The following ALG14 variants were observed in gnomAD, a reference collection of about 807,000 sequenced individuals.
ALG14 encodes ALG14 UDP-N-acetylglucosaminyltransferase subunit.
In ALG14, 17 loss-of-function variants were observed where a neutral mutation model predicts 22.8. That is an observed-to-expected ratio of 0.75 (90% CI 0.51 to 1.12). The LOEUF (loss-of-function observed/expected upper bound fraction) is 1.12. ALG14 is among the 50% of genes most tolerant of loss of function. ALG14 has a pLI of 0.00. For missense variants in ALG14, 288 were observed against 271.8 expected (o/e 1.06, Z -0.42); for synonymous variants, 89 against 103.7 (o/e 0.86, Z 0.86).
chr1:95,015,623 C>T (rs1197025150), intron 3 of ALG14, among the ~76,000 whole-genome samples: 2 of 152,110 alleles, frequency 1.3e-5, no homozygotes, highest in African/African-American at 4.8e-5. Context: ...TTGAGAGGGG[C>T]GGGTTTGGAC....
intron 2 of ALG14, among the ~76,000 whole-genome samples, chr1:95,055,037 G>A (rs572706078): frequency 6.6e-6 from 1 of 152,150 alleles, no homozygotes; most frequent in Admixed American, 6.5e-5. Flanking sequence ...CAAATAAAAT[G>A]GGAACAACCA....
intron 3 of ALG14, among the ~76,000 whole-genome samples, chr1:95,011,346 A>G (rs1673355191): frequency 6.6e-6 from 1 of 151,882 alleles, no homozygotes; most frequent in African/African-American, 2.4e-5. Context: ...CAGAGAGTGG[A>G]CTCTCACCAG....
chr1:94,991,532 A>G (rs1005996962), intron 3 of ALG14, among the ~76,000 whole-genome samples: 2 of 152,220 alleles, frequency 1.3e-5, no homozygotes, highest in African/African-American at 4.8e-5. Flanking sequence ...AAGACAGAAA[A>G]TGGGACACCT....
chr1:95,057,408 TAAC>T (rs1403018428), intron 2 of ALG14, among the ~76,000 whole-genome samples: 1 of 151,754 alleles, frequency 6.6e-6, no homozygotes, highest in Non-Finnish European at 1.5e-5. Flanking sequence ...TAATACAGTA[TAAC>T]AACTATTTAC....
At chr1:95,043,284 G>GC (rs952102194) in intron 2 of ALG14, among the ~76,000 whole-genome samples, 8 of 152,050 alleles carry the variant, frequency 5.3e-5, no homozygotes, top group African/African-American at 1.9e-4. Flanking sequence ...GGGAGGGGAG[G>GC]CCCCCCATAC....
At chr1:94,986,371 T>G (rs1311821486) in intron 3 of ALG14, among the ~76,000 whole-genome samples, 1 of 152,176 alleles carries the variant, frequency 6.6e-6, no homozygotes, top group Non-Finnish European at 1.5e-5. Flanking sequence ...ATAGAAGGAG[T>G]GGGTCTTTGC....
chr1:94,996,208 G>T (rs2100727906), intron 3 of ALG14, among the ~76,000 whole-genome samples: 1 of 151,734 alleles, frequency 6.6e-6, no homozygotes, highest in Non-Finnish European at 1.5e-5. Flanking sequence ...CAGAATCCCT[G>T]GGTCTAGGCA....
chr1:95,026,764 C>G (rs1292597663), intron 3 of ALG14, among the ~76,000 whole-genome samples: 1 of 152,042 alleles, frequency 6.6e-6, no homozygotes, highest in Non-Finnish European at 1.5e-5. Context: ...CCCCATCTCT[C>G]TTAAAAATAC....
chr1:95,057,239 A>G (rs1263392558), intron 2 of ALG14, among the ~76,000 whole-genome samples: 2 of 151,638 alleles, frequency 1.3e-5, no homozygotes, highest in Non-Finnish European at 2.9e-5. Flanking sequence ...CAAGAAATAT[A>G]TATATGCACA....
chr1:95,025,848 A>C (rs2100769329), intron 3 of ALG14, among the ~76,000 whole-genome samples: 1 of 152,328 alleles, frequency 6.6e-6, no homozygotes, highest in Non-Finnish European at 1.5e-5. Context: ...CTGGTTTGAT[A>C]GTCTATCCAG....
chr1:95,068,938 T>G (rs1272564281), intron 1 of ALG14, among the ~76,000 whole-genome samples: 1 of 152,166 alleles, frequency 6.6e-6, no homozygotes, highest in African/African-American at 2.4e-5. Context: ...TCCTCTACTT[T>G]CAATCCACAG....
chr1:95,068,042 C>T (rs1675434137), intron 1 of ALG14, among the ~76,000 whole-genome samples: 1 of 152,166 alleles, frequency 6.6e-6, no homozygotes. Context: ...CACTGCATAA[C>T]TTACTATGTA....
intron 2 of ALG14, among the ~76,000 whole-genome samples, chr1:95,052,915 T>A: frequency 6.9e-6 from 1 of 144,242 alleles, no homozygotes. Context: ...CATTTCCAAA[T>A]GAAAGGAGAA....
intron 3 of ALG14, among the ~76,000 whole-genome samples, chr1:94,992,554 A>AGGGTTGAAGAGGAGGGGGGTTGG (rs543108241): frequency 6.6e-6 from 1 of 152,068 alleles, no homozygotes; most frequent in African/African-American, 2.4e-5. Flanking sequence ...ATGGAAGAGG[A>AGGGTTGAAGAGGAGGGGGGTTGG]GGGTTGAAGA....
In ALG14 at chr1:94,983,018, C is replaced by G. The variant is rs2100708687; in HGVS notation, c.*58G>C. ...GAAACATGTAGGGTTTTTTTCCCCC[C>G]AATTTGAGTACATACTACTGTTAAC... On this transcript the variant is annotated 3_prime_UTR_variant, in exon 4 of 4. Transcript: ENST00000370205. The G allele has an allele frequency of 2.1e-6, 3 of 1,454,946 alleles. No individual in the cohort carries two copies. In the East Asian group the frequency reaches 6.8e-5, roughly 33 times the overall value. 90.1% of individuals were successfully genotyped at this position (1,454,946 alleles called of 1,614,324 possible). A position where few individuals can be genotyped will look rare whatever the true frequency, so the allele number is the denominator to read the frequency against.
intron 2 of ALG14, among the ~76,000 whole-genome samples, chr1:95,041,827 G>A (rs1038190933): frequency 6.6e-6 from 1 of 152,008 alleles, no homozygotes; most frequent in African/African-American, 2.4e-5. Flanking sequence ...AGAAGAGCTG[G>A]TTGATAAATC....
intron 3 of ALG14, among the ~76,000 whole-genome samples, chr1:95,016,942 G>GTGTGT (rs1673510013): frequency 5.4e-5 from 7 of 129,296 alleles, no homozygotes; most frequent in African/African-American, 2.0e-4. Context: ...TTGCAAAAGG[G>GTGTGT]GTGTGTGTGT....
rs1571565550 is a variant in ALG14 at position 94,977,311 on chromosome 1, C to T, written c.*5765G>A. ...TCTGGACAACATAGTGAAACCCTGCCTCTTATTTTAAAAAAAGAAGAGATG... is the reference window on the plus strand; with the variant it reads ...TCTGGACAACATAGTGAAACCCTGCTTCTTATTTTAAAAAAAGAAGAGATG... On this transcript the variant is annotated 3_prime_UTR_variant, in exon 4 of 4. Coordinates refer to ENST00000370205, the MANE Select transcript of ALG14 (RefSeq NM_144988.4). 1 of 152,136 alleles carries T rather than the reference C, an allele frequency of 6.6e-6. No homozygotes were observed. Among genetic ancestry groups the T allele is most frequent in the African/African-American group, 2.4e-5 (1 of 41,422 alleles). 9.4% of individuals were successfully genotyped at this position (152,136 alleles called of 1,614,324 possible).
At chr1:95,001,592 C>G (rs1394522225) in intron 3 of ALG14, among the ~76,000 whole-genome samples, 2 of 152,130 alleles carry the variant, frequency 1.3e-5, no homozygotes, top group Non-Finnish European at 2.9e-5. Flanking sequence ...GCCTCCCGGG[C>G]TCGAGCAATT....
Sources: gnomAD v4.1 joint callset for allele counts (sites outside exome capture counted in the v4.1 genomes callset) on GRCh38, gnomAD v4.1.1 for gene constraint, MANE v1.5 for transcripts, NCBI Gene and HGNC (gene_info 2026-07-23, HGNC 2026-07-21) for gene names.